The following RNF187 variants were observed in gnomAD, a reference collection of about 807,000 sequenced individuals.
RNF187 encodes ring finger protein 187.
In RNF187, 18 loss-of-function variants were observed where a neutral mutation model predicts 22.2. That is an observed-to-expected ratio of 0.81 (90% CI 0.56 to 1.20). The LOEUF is 1.20. Ranked by LOEUF, RNF187 falls within the 50% of genes most tolerant of loss-of-function variation. The pLI is 0.00. For missense variants in RNF187, 329 were observed against 317.6 expected (o/e 1.04, Z -0.27); for synonymous variants, 164 against 140.9 (o/e 1.16, Z -1.16).
chr1:228,487,643 G>A lies in RNF187; in HGVS notation c.155G>A (p.Cys52Tyr). The A allele has an allele frequency of 1.7e-6, 2 of 1,187,770 alleles. No individual in the cohort carries two copies. The highest frequency in any genetic ancestry group is 3.5e-5 in the Admixed American group (1 of 28,780). 73.6% of individuals were successfully genotyped at this position (1,187,770 alleles called of 1,614,324 possible). ...GACGGGCCCTTCCCGTGCCCCGAGT[G>A]CGCCGACGACTGCTGGCAGCGCGCC... Residue 52 changes from cysteine to tyrosine, a missense_variant, in exon 1 of 4, where the codon TGC (cysteine) becomes TAC (tyrosine). Cys to Tyr is a radical substitution (Grantham distance 194). Transcript: ENST00000305943.
Position 228,493,765 on chromosome 1 carries a change from C to A in RNF187, c.706-118C>A. On this transcript the variant is annotated intron_variant, in intron 3 of 3. Coordinates refer to ENST00000305943, the MANE Select transcript of RNF187 (RefSeq NM_001010858.3). The surrounding 1 kb of genome is among the most constrained non-coding windows in gnomAD (Gnocchi z 4.7). ...GGGTTTGTTGTGCTCAGGACAGTAC[C>A]TCATGCGCTGTCTCATGTGCGCTCT... 1 of 1,110,042 alleles carries A rather than the reference C, an allele frequency of 9.0e-7. No homozygotes were observed. Among genetic ancestry groups the A allele is most frequent in the Non-Finnish European group, 1.3e-6 (1 of 747,892 alleles). The allele number at this position is 1,110,042 out of a possible 1,614,324, so 68.8% of individuals were successfully genotyped here.
At chr1:228,488,898 C>T in intron 1 of RNF187, 62 bp from the exon 2 acceptor site, 2 of 1,343,218 alleles carry the variant, frequency 1.5e-6, no homozygotes, top group Non-Finnish European at 2.1e-6. Flanking sequence ...TCCCTCAGTA[C>T]TGGGCTGGGT....
chr1:228,491,143 C>G, intron 2 of RNF187, among the ~76,000 whole-genome samples: 2 of 151,966 alleles, frequency 1.3e-5, no homozygotes, highest in Non-Finnish European at 2.9e-5. Flanking sequence ...ATCCCAGCAA[C>G]TTGGGAGGCT....
At position 228,487,528 on chromosome 1, in the gene RNF187, CTGTGCCAGCGCGCGCCCCGGGAACCGG is replaced by C; in HGVS notation, c.43_69del (p.Cys15_Val23del). 1 of 1,199,940 alleles carries C rather than the reference CTGTGCCAGCGCGCGCCCCGGGAACCGG, an allele frequency of 8.3e-7. No individual in the cohort carries two copies. Among genetic ancestry groups the C allele is most frequent in the Non-Finnish European group, 1.0e-6 (1 of 965,344 alleles). 74.3% of individuals were successfully genotyped at this position (1,199,940 alleles called of 1,614,324 possible). Reference sequence around the variant, plus strand: ...GGGCCCCGCCGAGGCCGCCTGCGCCCTGTGCCAGCGCGCGCCCCGGGAACCGGTGCGCGCCGACTGCGGCCACCGCTT... The same window carrying C: ...GGGCCCCGCCGAGGCCGCCTGCGCCCTGCGCGCCGACTGCGGCCACCGCTT... On this transcript the variant is annotated inframe_deletion, in exon 1 of 4. Coordinates refer to ENST00000305943, the MANE Select transcript of RNF187 (RefSeq NM_001010858.3).
intron 1 of RNF187, 77 bp downstream of exon 1, chr1:228,487,955 C>T: frequency 2.2e-6 from 2 of 907,060 alleles, no homozygotes; most frequent in Non-Finnish European, 2.7e-6. Flanking sequence ...TCCCCCTGAG[C>T]CCTGGGCCCT....
chr1:228,488,928 GC>G lies in RNF187; in HGVS notation c.391-29del. ...CTGGGTTGGGGGACCCAGAGCTTCT[GC>G]CCACCCCTGGTGACCTTCTTTTCTT... On this transcript the variant is annotated intron_variant, in intron 1 of 3. Transcript: ENST00000305943. 2.2e-5 allele frequency: 34 copies of G among 1,523,108 alleles called. No individual in the cohort carries two copies. In the Middle Eastern group the frequency reaches 5.0e-4, roughly 23 times the overall value. The allele number at this position is 1,523,108 out of a possible 1,614,324, so 94.3% of individuals were successfully genotyped here.
At position 228,494,221 on chromosome 1, in the gene RNF187, C is replaced by G; in HGVS notation, c.*336C>G. The G allele has an allele frequency of 7.6e-7, 1 of 1,314,662 alleles. No homozygotes were observed. Among genetic ancestry groups the G allele is most frequent in the Non-Finnish European group, 9.8e-7 (1 of 1,023,650 alleles). 81.4% of individuals were successfully genotyped at this position (1,314,662 alleles called of 1,614,324 possible). On this transcript the variant is annotated 3_prime_UTR_variant, in exon 4 of 4. Transcript: ENST00000305943. ...CCCATCTGCCCCTCACCTCGTCATC[C>G]AGGGACCCAGACCCTGCACCTTCCA... is the stretch of plus-strand genomic sequence containing the variant.
chr1:228,494,252 G>T lies in RNF187; in HGVS notation c.*367G>T. 3 of 1,226,120 alleles carry T rather than the reference G, an allele frequency of 2.4e-6. No individual in the cohort carries two copies. The highest frequency in any genetic ancestry group is 3.1e-6 in the Non-Finnish European group (3 of 971,662). 76.0% of individuals were successfully genotyped at this position (1,226,120 alleles called of 1,614,324 possible). A position where few individuals can be genotyped will look rare whatever the true frequency, so the allele number is the denominator to read the frequency against. ...CCCAGACCCTGCACCTTCCATGTGG[G>T]CCCACAGATCCTTGGCAGGTACCTG... On this transcript the variant is annotated 3_prime_UTR_variant, in exon 4 of 4. Transcript: ENST00000305943.
chr1:228,488,973 C>T lies in RNF187; in HGVS notation c.404C>T (p.Ser135Phe). 1.3e-6 allele frequency: 2 copies of T among 1,551,180 alleles called. No individual in the cohort carries two copies. Among genetic ancestry groups the T allele is most frequent in the Non-Finnish European group, 1.7e-6 (2 of 1,146,906 alleles). ...TTTTCTTTACAGGAGAACAAGGGGT[C>T]TGTGGAAATCATGAGAAAGGACTTG... Residue 135 changes from serine (S) to phenylalanine (F), a missense_variant, in exon 2 of 4, where the codon TCT becomes TTT. By Grantham distance (155) the Ser-to-Phe change is radical (BLOSUM62 -2). Coordinates refer to ENST00000305943, the MANE Select transcript of RNF187 (RefSeq NM_001010858.3).
chr1:228,495,620 A>C lies in RNF187; in HGVS notation c.*1735A>C. Reference sequence around the variant, plus strand: ...TTGCCCGGACAGGTCCTGATGGCAGAGTCTCCCACAACATCAGTGTCTCCA... The same window carrying C: ...TTGCCCGGACAGGTCCTGATGGCAGCGTCTCCCACAACATCAGTGTCTCCA... On this transcript the variant is annotated 3_prime_UTR_variant, in exon 4 of 4. Coordinates refer to ENST00000305943, the MANE Select transcript of RNF187 (RefSeq NM_001010858.3). 1 of 985,372 alleles carries C rather than the reference A, an allele frequency of 1.0e-6. No homozygotes were observed. Among genetic ancestry groups the C allele is most frequent in the South Asian group, 4.7e-5 (1 of 21,286 alleles). 61.0% of individuals were successfully genotyped at this position (985,372 alleles called of 1,614,324 possible).
intron 2 of RNF187, among the ~76,000 whole-genome samples, chr1:228,490,063 CTG>C: frequency 6.6e-6 from 1 of 152,236 alleles, no homozygotes; most frequent in Non-Finnish European, 1.5e-5. Flanking sequence ...TAGTAAAAAC[CTG>C]TGTGCCATTT....
chr1:228,489,412 TC>T, intron 2 of RNF187, among the ~76,000 whole-genome samples: 81 of 152,108 alleles, frequency 5.3e-4, no homozygotes, highest in African/African-American at 1.9e-3. Context: ...CCTCAGGCGA[TC>T]CTCCCACCTC....
chr1:228,494,362 C>T lies in RNF187; in HGVS notation c.*477C>T. ...GCTCTGTGAAGGCTGGAACTCAGGTCTTCAGGGAGAGAAAGGAAGACTGGA... is the reference window on the plus strand; with the variant it reads ...GCTCTGTGAAGGCTGGAACTCAGGTTTTCAGGGAGAGAAAGGAAGACTGGA... On this transcript the variant is annotated 3_prime_UTR_variant, in exon 4 of 4. Transcript: ENST00000305943. 2.1e-5 allele frequency: 21 copies of T among 1,023,598 alleles called. No homozygotes were observed. The highest frequency in any genetic ancestry group is 2.5e-5 in the Non-Finnish European group (21 of 851,904). The allele number at this position is 1,023,598 out of a possible 1,614,324, so 63.4% of individuals were successfully genotyped here.
intron 1 of RNF187, 95 bp from the exon 2 acceptor site, chr1:228,488,863 CTG>C: frequency 5.2e-6 from 5 of 954,896 alleles, no homozygotes; most frequent in East Asian, 5.3e-5. Context: ...GATGGTCAGA[CTG>C]TGTGCAGTCA....
At position 228,493,801 on chromosome 1, in the gene RNF187, C is replaced by A; in HGVS notation, c.706-82C>A. ...TCTCATGTGCGCTCTCTCTTTCGCTCTCTCCTTTTGCCTCTGTCTCTGACT... is the reference window on the plus strand; with the variant it reads ...TCTCATGTGCGCTCTCTCTTTCGCTATCTCCTTTTGCCTCTGTCTCTGACT... On this transcript the variant is annotated intron_variant, in intron 3 of 3. Transcript: ENST00000305943. The surrounding 1 kb of genome is among the most constrained non-coding windows in gnomAD (Gnocchi z 4.7). 1.4e-6 allele frequency: 2 copies of A among 1,441,762 alleles called. No homozygotes were observed. Among genetic ancestry groups the A allele is most frequent in the Non-Finnish European group, 1.9e-6 (2 of 1,047,240 alleles). The allele number at this position is 1,441,762 out of a possible 1,614,324, so 89.3% of individuals were successfully genotyped here. A position where few individuals can be genotyped will look rare whatever the true frequency, so the allele number is the denominator to read the frequency against.
rs1329183433 is a variant in RNF187 at position 228,487,509 on chromosome 1, C to T, written c.21C>T (p.Pro7=). The change falls in exon 1 of 4, where the codon CCC becomes CCT. Residue 7 remains proline, a synonymous_variant. Coordinates refer to ENST00000305943, the MANE Select transcript of RNF187 (RefSeq NM_001010858.3). ...CAGCCCTGGCGCTCCCTGCGGGCCC[C>T]GCCGAGGCCGCCTGCGCCCTGTGCC... 2 of 1,146,174 alleles carry T rather than the reference C, an allele frequency of 1.7e-6. No homozygotes were observed. The highest frequency in any genetic ancestry group is 2.1e-6 in the Non-Finnish European group (2 of 935,928). 71.0% of individuals were successfully genotyped at this position (1,146,174 alleles called of 1,614,324 possible). A position where few individuals can be genotyped will look rare whatever the true frequency, so the allele number is the denominator to read the frequency against.
At chr1:228,492,035 CA>C in intron 2 of RNF187, among the ~76,000 whole-genome samples, 1 of 152,148 alleles carries the variant, frequency 6.6e-6, no homozygotes, top group South Asian at 2.1e-4. Context: ...GAATGGAGGT[CA>C]GGGTGATCTT....
At chr1:228,488,580 G>C in intron 1 of RNF187, 1 of 182,664 alleles carries the variant, frequency 5.5e-6, no homozygotes, top group Non-Finnish European at 1.2e-5. Flanking sequence ...GTGTCCCTGG[G>C]TGCTCCTCCT....
chr1:228,492,298 C>T, intron 2 of RNF187, among the ~76,000 whole-genome samples: 1 of 152,162 alleles, frequency 6.6e-6, no homozygotes, highest in Non-Finnish European at 1.5e-5. Flanking sequence ...AATCCTCCCA[C>T]CTCAGCCTCC....
Sources: gnomAD v4.1 joint callset for allele counts (sites outside exome capture counted in the v4.1 genomes callset) on GRCh38, gnomAD v4.1.1 for gene constraint, Gnocchi (gnomAD v3.1) non-coding constraint, MANE v1.5 for transcripts, NCBI Gene and HGNC (gene_info 2026-07-23, HGNC 2026-07-21) for gene names.